CBL: variants seen among roughly 807,000 people sequenced by gnomAD.
CBL encodes the protein Cbl proto-oncogene, also known as E3 ubiquitin-protein ligase CBL.
CBL carries 45 observed loss-of-function variants against 96.9 expected under a neutral mutation model. The observed-to-expected ratio is 0.46, with a 90% CI of 0.37 to 0.60. The LOEUF (loss-of-function observed/expected upper bound fraction) is 0.60, where lower values mean the gene tolerates loss of function less well. CBL is among the 20% of genes least tolerant of loss of function. The pLI is 0.00. For missense variants in CBL, 1,024 were observed against 1,143.5 expected (o/e 0.90, Z 1.51); for synonymous variants, 420 against 426.8 (o/e 0.98, Z 0.20).
intron 1 of CBL, 36 bp from the exon 2 acceptor site, chr11:119,232,412 C>A (rs1179227704): frequency 1.2e-6 from 2 of 1,609,562 alleles, no homozygotes; most frequent in African/African-American, 2.7e-5. Flanking sequence ...CCTTAAAATT[C>A]TCCAAGTAAT....
chr11:119,277,274 A>AC (rs1565871898), intron 6 of CBL, among the ~76,000 whole-genome samples: 1 of 101,234 alleles, frequency 9.9e-6, no homozygotes, highest in African/African-American at 4.7e-5. Flanking sequence ...CACACACATA[A>AC]AGAATTTCTA....
intron 2 of CBL, among the ~76,000 whole-genome samples, chr11:119,269,302 A>G (rs1467634613): frequency 1.4e-5 from 2 of 139,360 alleles, no homozygotes; most frequent in Non-Finnish European, 3.0e-5. Flanking sequence ...GCTGGAGTGC[A>G]GTGGTGCAAT....
chr11:119,244,369 A>G (rs6589726), intron 2 of CBL, among the ~76,000 whole-genome samples: 104,083 of 151,788 alleles, frequency 0.69, 37,737 homozygotes, highest in East Asian at 0.91. Context: ...TTCTAATGTA[A>G]TGGTAGGTTA....
chr11:119,267,165 T>C (rs1316349415), intron 2 of CBL, among the ~76,000 whole-genome samples: 2 of 152,208 alleles, frequency 1.3e-5, no homozygotes, highest in Admixed American at 6.5e-5. Flanking sequence ...TTAAGAAGTA[T>C]GATGCTTACA....
At position 119,245,956 on chromosome 11, in the gene CBL, CTTTTTTTTTTTTTTTT is replaced by C. The variant is rs71048054; in HGVS notation, c.443+13280_443+13295del. ...TAAGACAGACGCATTCTTTGCAAAT[CTTTTTTTTTTTTTTTT>C]TTTTTTTTTTTTTTTTTTGAGGAGA... On this transcript the variant is annotated intron_variant, in intron 2 of 15. Coordinates refer to ENST00000264033, the MANE Select transcript of CBL (RefSeq NM_005188.4). 4.2e-3 allele frequency among the ~76,000 whole-genome samples: 226 copies of C among 54,324 alleles called. 2 individuals are homozygous for C. Among genetic ancestry groups the C allele is most frequent in the African/African-American group, 0.014 (208 of 15,398 alleles). 35.6% of individuals were successfully genotyped at this position (54,324 alleles called of 152,430 possible).
At position 119,301,493 on chromosome 11, in the gene CBL, A is replaced by G. The variant is rs955215944; in HGVS notation, c.*1712A>G. 1.3e-4 allele frequency: 31 copies of G among 230,442 alleles called. No individual in the cohort carries two copies. In the East Asian group the frequency reaches 1.9e-3, roughly 14 times the overall value. The allele number at this position is 230,442 out of a possible 1,614,324, so 14.3% of individuals were successfully genotyped here. A position where few individuals can be genotyped will look rare whatever the true frequency, so the allele number is the denominator to read the frequency against. ...AAATCTAAATCATGCTTTTGTCTTT[A>G]GATCTACACAGAAATGACCCTCCTT... On this transcript the variant is annotated 3_prime_UTR_variant, in exon 16 of 16. Transcript: ENST00000264033.
chr11:119,244,300 T>C (rs1280867438), intron 2 of CBL, among the ~76,000 whole-genome samples: 1 of 152,202 alleles, frequency 6.6e-6, no homozygotes, highest in Non-Finnish European at 1.5e-5. Context: ...AGATCATAAA[T>C]TACTATGGTT....
chr11:119,210,841 TA>T (rs1214119224), intron 1 of CBL, among the ~76,000 whole-genome samples: 1 of 152,012 alleles, frequency 6.6e-6, no homozygotes, highest in Non-Finnish European at 1.5e-5. Flanking sequence ...AGGGCCACTG[TA>T]AATACAGTAA....
At chr11:119,287,791 A>ATCT (rs1949995116) in intron 11 of CBL, 61 bp from the exon 12 acceptor site, 1 of 1,043,364 alleles carries the variant, frequency 9.6e-7, no homozygotes, top group South Asian at 1.3e-5. Flanking sequence ...AAGGTTCAAT[A>ATCT]AGAGCAGAGG....
intron 2 of CBL, among the ~76,000 whole-genome samples, chr11:119,255,346 G>C (rs188398727): frequency 4.6e-5 from 7 of 152,200 alleles, no homozygotes; most frequent in Admixed American, 3.3e-4. Context: ...GCCAAATTTG[G>C]TAATCCAGGT....
chr11:119,297,593 G>A, intron 14 of CBL, 112 bp downstream of exon 14: 1 of 799,440 alleles, frequency 1.3e-6, no homozygotes, highest in African/African-American at 1.7e-5. Flanking sequence ...CTGTAGCTGG[G>A]ACTACAGGTA....
chr11:119,266,474 T>A (rs968503990), intron 2 of CBL, among the ~76,000 whole-genome samples: 8 of 152,210 alleles, frequency 5.3e-5, no homozygotes, highest in Non-Finnish European at 1.2e-4. Flanking sequence ...TTAAGATACT[T>A]GTGTATTGGT....
At chr11:119,295,941 A>G (rs6589729) in intron 12 of CBL, among the ~76,000 whole-genome samples, 91,595 of 151,976 alleles carry the variant, frequency 0.6, 28,574 homozygotes, top group East Asian at 0.88. Context: ...TTCAGCATGC[A>G]TTGCACAAAT....
chr11:119,236,478 T>C (rs566382719), intron 2 of CBL, among the ~76,000 whole-genome samples: 17 of 152,174 alleles, frequency 1.1e-4, no homozygotes, highest in African/African-American at 3.9e-4. Flanking sequence ...GTTTATGATA[T>C]TTTTGTCATT....
chr11:119,303,914 A>G lies in CBL; in HGVS notation c.*4133A>G, dbSNP rs1445315689. On this transcript the variant is annotated 3_prime_UTR_variant, in exon 16 of 16. Transcript: ENST00000264033. ...TATCACCCTTATGGGACCTGTCACC[A>G]TGTCCTGTACTATTTGGAATTGGTT... 2.6e-5 allele frequency: 6 copies of G among 233,518 alleles called. No individual in the cohort carries two copies. Among genetic ancestry groups the G allele is most frequent in the Non-Finnish European group, 5.1e-5 (6 of 118,040 alleles). 14.5% of individuals were successfully genotyped at this position (233,518 alleles called of 1,614,324 possible). A position where few individuals can be genotyped will look rare whatever the true frequency, so the allele number is the denominator to read the frequency against.
rs994318998 is a variant in CBL, at chr11:119,278,683, C to T, written c.1401C>T (p.Leu467=). The change falls in exon 9 of 16, where the codon CTC becomes CTT. Residue 467 remains leucine (L), a synonymous_variant. Coordinates refer to ENST00000264033, the MANE Select transcript of CBL (RefSeq NM_005188.4). The stretch of plus-strand genomic sequence containing the variant: ...ATGATGAACGAGCTGATGATACTCT[C>T]TTCATGATGAAGGAATTGGCTGGTG... ...DDDDERADDT[L]FMMKELAGAK... 1.9e-6 allele frequency: 3 copies of T among 1,614,104 alleles called. No homozygotes were observed. Among genetic ancestry groups the T allele is most frequent in the Admixed American group, 3.3e-5 (2 of 60,008 alleles).
At position 119,301,296 on chromosome 11, in the gene CBL, G is replaced by A. The variant is rs1950099794; in HGVS notation, c.*1515G>A. 4 of 233,132 alleles carry A rather than the reference G, an allele frequency of 1.7e-5. No individual in the cohort carries two copies. The highest frequency in any genetic ancestry group is 1.7e-4 in the Admixed American group (3 of 17,780). The allele number at this position is 233,132 out of a possible 1,614,324, so 14.4% of individuals were successfully genotyped here. A position where few individuals can be genotyped will look rare whatever the true frequency, so the allele number is the denominator to read the frequency against. Reference sequence around the variant, plus strand: ...TTGTGTAATTGCAAGTTCATAAAGAGAATTGAGGGTCCAGTTGGGAGAACT... The same window carrying A: ...TTGTGTAATTGCAAGTTCATAAAGAAAATTGAGGGTCCAGTTGGGAGAACT... On this transcript the variant is annotated 3_prime_UTR_variant, in exon 16 of 16. Transcript: ENST00000264033.
chr11:119,244,284 A>G (rs1461636900), intron 2 of CBL, among the ~76,000 whole-genome samples: 1 of 152,220 alleles, frequency 6.6e-6, no homozygotes, highest in Non-Finnish European at 1.5e-5. Context: ...GTGCTTGTAG[A>G]GCAGTAGATC....
At position 119,299,640 on chromosome 11, in the gene CBL, G is replaced by A. The variant is rs751908445; in HGVS notation, c.2580G>A (p.Glu860=). ...CCGCCTCACCTCAGCTCTCCAGTGA[G>A]ATCGAGAACCTCATGAGTCAGGGGT... ...AATASPQLSS[E]IENLMSQGYS... Residue 860 remains glutamate, a synonymous_variant, in exon 16 of 16, where the codon GAG becomes GAA. Coordinates refer to ENST00000264033, the MANE Select transcript of CBL (RefSeq NM_005188.4). 6.2e-7 allele frequency: 1 copy of A among 1,614,210 alleles called. No individual in the cohort carries two copies. Among genetic ancestry groups the A allele is most frequent in the Non-Finnish European group, 8.5e-7 (1 of 1,180,036 alleles).
Sources: gnomAD v4.1 joint callset for allele counts (sites outside exome capture counted in the v4.1 genomes callset) on GRCh38, gnomAD v4.1.1 for gene constraint, MANE v1.5 for transcripts, NCBI Gene and HGNC (gene_info 2026-07-23, HGNC 2026-07-21) for gene names.